TECRL: variants seen among roughly 807,000 people sequenced by gnomAD.
TECRL encodes trans-2,3-enoyl-CoA reductase like.
In TECRL, 63 loss-of-function variants were observed where a neutral mutation model predicts 52.8. That is an observed-to-expected ratio of 1.19 (90% CI 0.97 to 1.47). The LOEUF is 1.47. Among genes scored for constraint, TECRL ranks in the 40% most tolerant of loss-of-function variants. The pLI, the probability that TECRL is intolerant of heterozygous loss-of-function variation, is 0.00. For synonymous variants in TECRL, 164 were observed against 141.9 expected (o/e 1.16, Z -1.10); for missense variants, 482 against 429.6 (o/e 1.12, Z -1.08).
chr4:64,409,023 C>G, intron 1 of TECRL, 95 bp downstream of exon 1: 1 of 1,100,060 alleles, frequency 9.1e-7, no homozygotes, highest in Non-Finnish European at 1.3e-6. Context: ...TATTTCAGAA[C>G]AGTCGTGTTA....
At chr4:64,386,846 C>G (rs1723206573) in intron 1 of TECRL, among the ~76,000 whole-genome samples, 1 of 152,054 alleles carries the variant, frequency 6.6e-6, no homozygotes. Flanking sequence ...GTACTCTTTG[C>G]CTTTACACAT....
intron 2 of TECRL, 110 bp from the exon 3 acceptor site, chr4:64,328,666 G>C (rs977707757): frequency 2.6e-5 from 22 of 848,000 alleles, no homozygotes; most frequent in Middle Eastern, 2.8e-4. Flanking sequence ...AATAAAATGG[G>C]TTATCTAGTG....
chr4:64,298,159 G>T (rs565490819), intron 8 of TECRL, among the ~76,000 whole-genome samples: 1 of 150,944 alleles, frequency 6.6e-6, no homozygotes, highest in African/African-American at 2.4e-5. Flanking sequence ...TAAATTTAAA[G>T]TTTATCAAAT....
chr4:64,349,228 G>T (rs905871266), intron 2 of TECRL, among the ~76,000 whole-genome samples: 2 of 151,198 alleles, frequency 1.3e-5, no homozygotes, highest in African/African-American at 2.4e-5. Flanking sequence ...TGCCTCCTGG[G>T]TTCAAGCAAT....
intron 2 of TECRL, among the ~76,000 whole-genome samples, chr4:64,335,107 C>T (rs1460303726): frequency 1.3e-5 from 2 of 152,166 alleles, no homozygotes; most frequent in Admixed American, 6.5e-5. Flanking sequence ...GGTCTCCAAC[C>T]CCTGGGCCAC....
intron 1 of TECRL, among the ~76,000 whole-genome samples, chr4:64,383,373 C>T (rs1385215195): frequency 6.6e-6 from 1 of 151,918 alleles, no homozygotes; most frequent in Non-Finnish European, 1.5e-5. Flanking sequence ...TTTTGTCTCC[C>T]TTCTGGAACA....
intron 9 of TECRL, among the ~76,000 whole-genome samples, chr4:64,281,901 A>C (rs1046298512): frequency 1.3e-5 from 2 of 151,890 alleles, no homozygotes; most frequent in Non-Finnish European, 2.9e-5. Context: ...TGAAATTATA[A>C]AGTGTGTTTT....
In TECRL at chr4:64,348,122, C is replaced by A. The variant is rs183144219; in HGVS notation, c.287-19566G>T. The stretch of plus-strand genomic sequence containing the variant: ...GTTTTCATACTGCTATAAAACACTA[C>A]CCAAGACTGGGTAATTTATGAACAA... On this transcript the variant is annotated intron_variant, in intron 2 of 11. Coordinates refer to ENST00000381210, the MANE Select transcript of TECRL (RefSeq NM_001010874.5). 1.7e-3 allele frequency among the ~76,000 whole-genome samples: 258 copies of A among 152,238 alleles called. 6 individuals are homozygous for A. In the South Asian group the frequency reaches 0.024, roughly 14 times the overall value.
chr4:64,282,650 A>T (rs547593736), intron 9 of TECRL, among the ~76,000 whole-genome samples: 1 of 152,086 alleles, frequency 6.6e-6, no homozygotes, highest in South Asian at 2.1e-4. Context: ...TCTGCTTTAG[A>T]GCCTGTAGTT....
rs1717469618 is a variant in TECRL at position 64,315,992 on chromosome 4, A to G, written c.436-1229T>C. Among the ~76,000 whole-genome samples, 4 of 55,084 alleles carry G rather than the reference A, an allele frequency of 7.3e-5. No individual in the cohort carries two copies. The South Asian group carries it at 4.2e-3, about 58-fold the overall frequency. The allele number at this position is 55,084 out of a possible 152,430, so 36.1% of individuals were successfully genotyped here. On this transcript the variant is annotated intron_variant, in intron 4 of 11. Transcript: ENST00000381210. Reference sequence around the variant, plus strand: ...GACTGTAGTAATTTATGGCTTACAAAATACCCCATTATTCTATAGAAAATG... The same window carrying G: ...GACTGTAGTAATTTATGGCTTACAAGATACCCCATTATTCTATAGAAAATG...
At chr4:64,323,483 A>T (rs529751467) in intron 3 of TECRL, among the ~76,000 whole-genome samples, 2 of 152,310 alleles carry the variant, frequency 1.3e-5, no homozygotes, top group African/African-American at 4.8e-5. Context: ...ATTTTATAAG[A>T]GCATAAATTA....
intron 1 of TECRL, 132 bp from the exon 2 acceptor site, chr4:64,375,355 G>A: frequency 2.2e-6 from 1 of 454,780 alleles, no homozygotes; most frequent in Non-Finnish European, 3.9e-6. Context: ...TATCTTTTTA[G>A]TGATTACTAT....
chr4:64,279,957 A>C lies in TECRL; in HGVS notation c.*115T>G. ...ATTTTACTATTTTATATTTTTACTC[A>C]GTGTATATACTGTTGCTCATGAATT... On this transcript the variant is annotated 3_prime_UTR_variant, in exon 12 of 12. Coordinates refer to ENST00000381210, the MANE Select transcript of TECRL (RefSeq NM_001010874.5). The C allele has an allele frequency of 3.9e-6, 5 of 1,278,648 alleles. No homozygotes were observed. Among genetic ancestry groups the C allele is most frequent in the Non-Finnish European group, 5.0e-6 (5 of 1,001,332 alleles). The allele number at this position is 1,278,648 out of a possible 1,614,324, so 79.2% of individuals were successfully genotyped here.
chr4:64,383,419 C>A (rs137864339), intron 1 of TECRL, among the ~76,000 whole-genome samples: 64 of 152,002 alleles, frequency 4.2e-4, no homozygotes, highest in African/African-American at 1.5e-3. Flanking sequence ...TTATGATGCC[C>A]CATATGTCAG....
intron 1 of TECRL, among the ~76,000 whole-genome samples, chr4:64,380,081 A>G (rs1418458077): frequency 6.6e-6 from 1 of 152,058 alleles, no homozygotes; most frequent in African/African-American, 2.4e-5. Flanking sequence ...GTCTTTCCAT[A>G]ATAGCCATTC....
intron 2 of TECRL, 81 bp from the exon 3 acceptor site, chr4:64,328,637 C>T: frequency 8.3e-7 from 1 of 1,206,118 alleles, no homozygotes; most frequent in South Asian, 1.3e-5. Context: ...ATGGGAAGAC[C>T]ATTTAGATCT....
At chr4:64,359,925 A>G (rs941123601) in intron 2 of TECRL, among the ~76,000 whole-genome samples, 1 of 152,140 alleles carries the variant, frequency 6.6e-6, no homozygotes, top group Admixed American at 6.6e-5. Context: ...GTTACTTTTT[A>G]TTGACGCACA....
At chr4:64,400,606 G>A (rs1724284719) in intron 1 of TECRL, among the ~76,000 whole-genome samples, 1 of 152,114 alleles carries the variant, frequency 6.6e-6, no homozygotes, top group Non-Finnish European at 1.5e-5. Flanking sequence ...GGAAGTGATT[G>A]GATCATGGGG....
At chr4:64,311,744 T>G (rs1717013715) in intron 5 of TECRL, among the ~76,000 whole-genome samples, 1 of 152,212 alleles carries the variant, frequency 6.6e-6, no homozygotes, top group Non-Finnish European at 1.5e-5. Context: ...ATTATTCTAT[T>G]TAATGATGTT....
Sources: gnomAD v4.1 joint callset for allele counts (sites outside exome capture counted in the v4.1 genomes callset) on GRCh38, gnomAD v4.1.1 for gene constraint, MANE v1.5 for transcripts, NCBI Gene and HGNC (gene_info 2026-07-23, HGNC 2026-07-21) for gene names.